The following SMYD5 variants were observed in gnomAD, a reference collection of about 807,000 sequenced individuals.
The protein encoded by SMYD5 is protein-lysine N-trimethyltransferase SMYD5.
In SMYD5, 35 loss-of-function variants were observed where a neutral mutation model predicts 57.4. That is an observed-to-expected ratio of 0.61 (90% CI 0.47 to 0.81). The LOEUF (loss-of-function observed/expected upper bound fraction) is 0.81. Ranked by LOEUF, SMYD5 falls within the 30% of genes least tolerant of loss-of-function variation. The pLI, the probability that SMYD5 is intolerant of heterozygous loss-of-function variation, is 0.00. For synonymous variants in SMYD5, 198 were observed against 189.7 expected (o/e 1.04, Z -0.36); for missense variants, 471 against 527.9 (o/e 0.89, Z 1.06).
At position 73,223,071 on chromosome 2, in the gene SMYD5, T is replaced by C; in HGVS notation, c.741T>C (p.Ala247=). 1.2e-6 allele frequency: 2 copies of C among 1,614,186 alleles called. No homozygotes were observed. Among genetic ancestry groups the C allele is most frequent in the Non-Finnish European group, 1.7e-6 (2 of 1,180,022 alleles). The stretch of plus-strand genomic sequence containing the variant: ...CAGATGGATTCCGGTCTCTCTTTGC[T>C]CTTGTTGGGACCAATGGCCAAGGAA... ...FTPDGFRSLF[A]LVGTNGQGIG... The change falls in exon 8 of 13, where the codon GCT becomes GCC. Residue 247 remains alanine (A), a synonymous_variant. Coordinates refer to ENST00000389501, the MANE Select transcript of SMYD5 (RefSeq NM_006062.3).
rs187332601 is a variant in SMYD5 at position 73,224,252 on chromosome 2, C to T, written c.940+249C>T. The stretch of plus-strand genomic sequence containing the variant: ...ATATAAAACCTTACAATAGGCCAGG[C>T]CCTGTACTAAGGCAGGCATAGAGCT... On this transcript the variant is annotated intron_variant, in intron 10 of 12. Coordinates refer to ENST00000389501, the MANE Select transcript of SMYD5 (RefSeq NM_006062.3). Among the ~76,000 whole-genome samples the T allele has an allele frequency of 2.0e-5, 3 of 152,304 alleles. No homozygotes were observed. The East Asian group carries it at 5.8e-4, about 29-fold the overall frequency.
chr2:73,220,890 C>A, intron 4 of SMYD5, 108 bp downstream of exon 4: 1 of 1,345,814 alleles, frequency 7.4e-7, no homozygotes, highest in African/African-American at 1.5e-5. Flanking sequence ...CCGGATTTTT[C>A]TTCCTTTCTT....
At chr2:73,223,695 GAAAC>G (rs889342417) in intron 9 of SMYD5, among the ~76,000 whole-genome samples, 163 bp downstream of exon 9, 4 of 152,144 alleles carry the variant, frequency 2.6e-5, no homozygotes, top group African/African-American at 9.7e-5. Context: ...ACACAGGTGA[GAAAC>G]AGCCCCAAGA....
chr2:73,214,257 C>A lies in SMYD5; in HGVS notation c.-10C>A. 6.2e-7 allele frequency: 1 copy of A among 1,613,410 alleles called. No homozygotes were observed. Among genetic ancestry groups the A allele is most frequent in the Non-Finnish European group, 8.5e-7 (1 of 1,179,588 alleles). On this transcript the variant is annotated 5_prime_UTR_variant, in exon 1 of 13. Coordinates refer to ENST00000389501, the MANE Select transcript of SMYD5 (RefSeq NM_006062.3). ...GGGGTTAAGGGTCATAAGGCGGAGG[C>A]GCGCCCAAGATGGCGGCCTCCATGT...
intron 11 of SMYD5, chr2:73,225,185 C>T: frequency 1.9e-6 from 1 of 518,352 alleles, no homozygotes; most frequent in Non-Finnish European, 3.4e-6. Flanking sequence ...TTGAGGGACA[C>T]CTATGTGCTC....
At position 73,221,217 on chromosome 2, in the gene SMYD5, G is replaced by A. The variant is rs759804844; in HGVS notation, c.520G>A (p.Val174Met). ...TASIMLMARM[V>M]ATVKQAKDKD... Reference sequence around the variant, plus strand: ...AAGCATCATGTTGATGGCTAGGATGGTGGCCACAGTGAAGCAGGTGAGCCC... The same window carrying A: ...AAGCATCATGTTGATGGCTAGGATGATGGCCACAGTGAAGCAGGTGAGCCC... Residue 174 changes from valine (V) to methionine (M), a missense_variant, in exon 5 of 13, where the codon GTG becomes ATG. By Grantham distance (21) the Val-to-Met change is conservative. Coordinates refer to ENST00000389501, the MANE Select transcript of SMYD5 (RefSeq NM_006062.3). 1 of 1,613,848 alleles carries A rather than the reference G, an allele frequency of 6.2e-7. No homozygotes were observed. Among genetic ancestry groups the A allele is most frequent in the South Asian group, 1.1e-5 (1 of 91,048 alleles).
At position 73,222,805 on chromosome 2, in the gene SMYD5, A is replaced by G; in HGVS notation, c.693A>G (p.Glu231=). The G allele has an allele frequency of 6.2e-7, 1 of 1,613,988 alleles. No individual in the cohort carries two copies. The highest frequency in any genetic ancestry group is 8.5e-7 in the Non-Finnish European group (1 of 1,179,918). ...TCTTCACAGAGGCCCTCTATGAGGA[A>G]GCAGTCAGCCAGGTGAGTGAGGAGA... The part of the protein sequence containing the change: ...RRLFTEALYE[E]AVSQWFTPDG... Residue 231 remains glutamate (E), a synonymous_variant, in exon 7 of 13, where the codon GAA becomes GAG. Coordinates refer to ENST00000389501, the MANE Select transcript of SMYD5 (RefSeq NM_006062.3).
intron 6 of SMYD5, 151 bp from the exon 7 acceptor site, chr2:73,222,604 G>A (rs1686416606): frequency 3.0e-6 from 2 of 660,154 alleles, no homozygotes; most frequent in Admixed American, 5.7e-5. Flanking sequence ...CTCTTTGGAG[G>A]TAGACTCTGT....
intron 5 of SMYD5, among the ~76,000 whole-genome samples, 195 bp downstream of exon 5, chr2:73,221,429 A>T (rs1245259627): frequency 1.4e-5 from 2 of 141,952 alleles, no homozygotes; most frequent in African/African-American, 2.7e-5. Flanking sequence ...TTTTGCCTGT[A>T]GTCTTTTTTT....
intron 1 of SMYD5, 93 bp downstream of exon 1, chr2:73,214,455 T>C: frequency 6.3e-7 from 1 of 1,590,220 alleles, no homozygotes; most frequent in Non-Finnish European, 8.6e-7. Flanking sequence ...CAGAGGCTTC[T>C]GTGCCGCTCG....
chr2:73,225,311 G>A (rs1243184132), intron 11 of SMYD5: 1 of 503,990 alleles, frequency 2.0e-6, no homozygotes, highest in East Asian at 3.5e-5. Flanking sequence ...ACAGTGCCTG[G>A]TTGAATCTTC....
chr2:73,215,670 A>G (rs1686281994), intron 1 of SMYD5, among the ~76,000 whole-genome samples: 1 of 150,730 alleles, frequency 6.6e-6, no homozygotes. Flanking sequence ...TCCTTTCTTC[A>G]TTTCTTCCCT....
chr2:73,226,139 G>A lies in SMYD5; in HGVS notation c.*193G>A. 1 of 738,344 alleles carries A rather than the reference G, an allele frequency of 1.4e-6. No individual in the cohort carries two copies. Among genetic ancestry groups the A allele is most frequent in the Non-Finnish European group, 2.1e-6 (1 of 466,044 alleles). 45.7% of individuals were successfully genotyped at this position (738,344 alleles called of 1,614,324 possible). A position where few individuals can be genotyped will look rare whatever the true frequency, so the allele number is the denominator to read the frequency against. On this transcript the variant is annotated 3_prime_UTR_variant, in exon 13 of 13. Transcript: ENST00000389501. ...CACCAGACCTCATGCCCTGGACACTGCTGCTGAGTTGGCTCAGACTCTGCA... is the reference window on the plus strand; with the variant it reads ...CACCAGACCTCATGCCCTGGACACTACTGCTGAGTTGGCTCAGACTCTGCA...
chr2:73,221,862 C>A lies in SMYD5; in HGVS notation c.574C>A (p.Gln192Lys), dbSNP rs1352301468. The A allele has an allele frequency of 6.2e-7, 1 of 1,614,028 alleles. No homozygotes were observed. ...DKDRWIRLFSQFCNKTANEEE... is the reference protein window; with the variant it reads ...DKDRWIRLFSKFCNKTANEEE... ...GGACCGTTGGATCAGACTCTTTTCC[C>A]AGTTTTGTAACAAAACAGCCAATGA... Residue 192 changes from glutamine to lysine, a missense_variant, in exon 6 of 13, where the codon CAG becomes AAG. Transcript: ENST00000389501.
intron 11 of SMYD5, 117 bp downstream of exon 11, chr2:73,225,077 C>A: frequency 1.4e-6 from 1 of 708,336 alleles, no homozygotes; most frequent in Non-Finnish European, 2.4e-6. Context: ...GGGTGGAATC[C>A]CCACATACCT....
At chr2:73,221,004 G>A (rs1403618328) in intron 4 of SMYD5, among the ~76,000 whole-genome samples, 161 bp from the exon 5 acceptor site, 1 of 152,196 alleles carries the variant, frequency 6.6e-6, no homozygotes, top group African/African-American at 2.4e-5. Flanking sequence ...GCCCCATTAA[G>A]CCAATAGGGA....
intron 4 of SMYD5, 116 bp from the exon 5 acceptor site, chr2:73,221,049 T>C: frequency 1.0e-6 from 1 of 1,000,892 alleles, no homozygotes. Context: ...TCTATGACTT[T>C]CCTGGTAATT....
At chr2:73,219,497 T>C (rs1686346778) in intron 2 of SMYD5, among the ~76,000 whole-genome samples, 1 of 152,218 alleles carries the variant, frequency 6.6e-6, no homozygotes, top group Admixed American at 6.5e-5. Context: ...TCCTCCTGCC[T>C]CAGCCTCCCG....
intron 4 of SMYD5, 68 bp from the exon 5 acceptor site, chr2:73,221,097 A>T: frequency 7.2e-7 from 1 of 1,380,024 alleles, no homozygotes; most frequent in East Asian, 2.3e-5. Flanking sequence ...TACCAGTCAG[A>T]CTCGGCTTCC....
Sources: allele counts gnomAD v4.1 joint callset (sites outside exome capture counted in the v4.1 genomes callset), GRCh38; gene constraint gnomAD v4.1.1; transcripts MANE v1.5; gene names NCBI Gene and HGNC (gene_info 2026-07-23, HGNC 2026-07-21).